RGS6: variants seen among roughly 807,000 people sequenced by gnomAD.
The protein encoded by RGS6 is regulator of G protein signaling 6, also known as regulator of G-protein signaling 6.
A neutral mutation model predicts 78.5 loss-of-function variants in RGS6; 30 were observed. The ratio of observed to expected loss-of-function variants is 0.38; its 90% confidence interval spans 0.29 to 0.52. The LOEUF (loss-of-function observed/expected upper bound fraction) is 0.52, where lower values mean the gene tolerates loss of function less well. RGS6 is among the 20% of genes least tolerant of loss of function. The pLI, the probability that RGS6 is intolerant of heterozygous loss-of-function variation, is 0.85. For missense variants in RGS6, 495 were observed against 609.7 expected (o/e 0.81, Z 1.98); for synonymous variants, 206 against 206.0 (o/e 1.00, Z 0.00).
intron 14 of RGS6, among the ~76,000 whole-genome samples, chr14:72,514,700 T>TTAG (rs1430822205): frequency 1.3e-5 from 2 of 152,236 alleles, no homozygotes; most frequent in African/African-American, 4.8e-5. Flanking sequence ...CTCCCAGATA[T>TTAG]TAGTCCTTGT....
In RGS6 at chr14:72,011,481, A is replaced by G. The variant is rs556047497; in HGVS notation, c.84+46606A>G. Reference sequence around the variant, plus strand: ...ATGGCATTCCCTTGAATTAGGTTCTATGAGTGGAATACAGCTTTGAAGGCA... The same window carrying G: ...ATGGCATTCCCTTGAATTAGGTTCTGTGAGTGGAATACAGCTTTGAAGGCA... On this transcript the variant is annotated intron_variant, in intron 2 of 17. Coordinates refer to ENST00000553525, the MANE Select transcript of RGS6 (RefSeq NM_001204424.2). Among the ~76,000 whole-genome samples, 8 of 152,254 alleles carry G rather than the reference A, an allele frequency of 5.3e-5. No homozygotes were observed. In the South Asian group the frequency reaches 1.2e-3, roughly 24 times the overall value.
chr14:72,036,122 C>T (rs762222984), intron 2 of RGS6, among the ~76,000 whole-genome samples: 8 of 151,808 alleles, frequency 5.3e-5, no homozygotes, highest in Non-Finnish European at 8.8e-5. Context: ...GAAATCCTAC[C>T]GTATATAATC....
At chr14:72,416,779 A>G (rs2093843897) in intron 3 of RGS6, among the ~76,000 whole-genome samples, 2 of 152,200 alleles carry the variant, frequency 1.3e-5, no homozygotes, top group Admixed American at 6.5e-5. Flanking sequence ...GAGTATGAGC[A>G]TTGACAACAG....
At chr14:72,426,382 C>G (rs2094435013) in intron 3 of RGS6, among the ~76,000 whole-genome samples, 1 of 152,148 alleles carries the variant, frequency 6.6e-6, no homozygotes, top group Admixed American at 6.5e-5. Flanking sequence ...ATCATAGAAA[C>G]AAAAATCTGG....
chr14:71,960,931 T>A (rs576014749), intron 1 of RGS6, among the ~76,000 whole-genome samples: 1 of 152,366 alleles, frequency 6.6e-6, no homozygotes, highest in East Asian at 1.9e-4. Context: ...TGAACACATC[T>A]GTTATTCCTA....
chr14:71,964,718 C>T, intron 1 of RGS6, 54 bp from the exon 2 acceptor site: 1 of 1,220,042 alleles, frequency 8.2e-7, no homozygotes, highest in South Asian at 1.5e-5. Context: ...CATTTCAAAG[C>T]CCTCTTTATA....
chr14:72,437,340 CAAAAAAAAAAAA>C lies in RGS6; in HGVS notation c.185-17177_185-17166del, dbSNP rs57302818. The stretch of plus-strand genomic sequence containing the variant: ...TGGACTACAGAGTGAGACTCCATCT[CAAAAAAAAAAAA>C]AAAAAAAAAAGGAAAAAAAAAATCA... On this transcript the variant is annotated intron_variant, in intron 3 of 17. Transcript: ENST00000553525. Among the ~76,000 whole-genome samples the C allele has an allele frequency of 9.9e-5, 8 of 80,996 alleles. No homozygotes were observed. The East Asian group carries it at 1.9e-3, about 19-fold the overall frequency. 53.1% of individuals were successfully genotyped at this position (80,996 alleles called of 152,430 possible).
At chr14:72,624,163 T>C in the RGS6 span, among the ~76,000 whole-genome samples, 1 of 152,100 alleles carries the variant, frequency 6.6e-6, no homozygotes, top group Non-Finnish European at 1.5e-5. Context: ...AATTTTAAAC[T>C]TAGAGAAAAG....
intron 2 of RGS6, among the ~76,000 whole-genome samples, chr14:72,280,793 T>C: frequency 6.6e-6 from 1 of 152,218 alleles, no homozygotes; most frequent in East Asian, 1.9e-4. Flanking sequence ...GACCTCTTGC[T>C]ATCAAGTGTT....
intron 2 of RGS6, among the ~76,000 whole-genome samples, chr14:72,214,563 G>A (rs2153775797): frequency 6.6e-6 from 1 of 152,274 alleles, no homozygotes; most frequent in African/African-American, 2.4e-5. Context: ...GCATGCAAAT[G>A]TTAGAAGAAA....
At chr14:71,992,892 A>G (rs1381971975) in intron 2 of RGS6, among the ~76,000 whole-genome samples, 1 of 152,008 alleles carries the variant, frequency 6.6e-6, no homozygotes, top group Non-Finnish European at 1.5e-5. Flanking sequence ...AATACTCTCT[A>G]TATTTCTTCT....
At chr14:72,479,834 G>A (rs2096330103) in intron 12 of RGS6, among the ~76,000 whole-genome samples, 1 of 152,212 alleles carries the variant, frequency 6.6e-6, no homozygotes. Context: ...TCCATGGCCT[G>A]TGAGGAACCA....
chr14:72,366,183 A>G (rs1056247803), intron 3 of RGS6, among the ~76,000 whole-genome samples: 4 of 152,142 alleles, frequency 2.6e-5, no homozygotes, highest in African/African-American at 9.7e-5. Context: ...TCCCACCAAT[A>G]TGTAAGGGAA....
At chr14:71,888,581 C>G in the RGS6 span, among the ~76,000 whole-genome samples, 1 of 152,086 alleles carries the variant, frequency 6.6e-6, no homozygotes, top group Admixed American at 6.5e-5. Context: ...ACATCTCATG[C>G]TCTGAGACTG....
chr14:72,264,251 G>C (rs2058666151), intron 2 of RGS6, among the ~76,000 whole-genome samples: 1 of 152,346 alleles, frequency 6.6e-6, no homozygotes, highest in South Asian at 2.1e-4. Context: ...ACTCTCAGCA[G>C]CTAGGACTGG....
chr14:72,392,703 G>A (rs73293056), intron 3 of RGS6, among the ~76,000 whole-genome samples: 2,443 of 152,220 alleles, frequency 0.016, 80 homozygotes, highest in African/African-American at 0.055. Flanking sequence ...AAGGAGATCT[G>A]GGGGAGGGGG....
At chr14:72,363,853 G>A (rs2081959939) in intron 3 of RGS6, among the ~76,000 whole-genome samples, 1 of 151,982 alleles carries the variant, frequency 6.6e-6, no homozygotes, top group Non-Finnish European at 1.5e-5. Context: ...CTCAAGATGT[G>A]CAGATGTGTG....
intron 3 of RGS6, among the ~76,000 whole-genome samples, chr14:72,411,909 G>A (rs1318545932): frequency 1.3e-5 from 2 of 152,168 alleles, no homozygotes; most frequent in East Asian, 1.9e-4. Flanking sequence ...GCCTCCCAGG[G>A]ATGAAGCCCA....
chr14:72,004,391 T>C (rs2190871), intron 2 of RGS6, among the ~76,000 whole-genome samples: 142,081 of 152,314 alleles, frequency 0.93, 66,338 homozygotes, highest in East Asian at 0.99. Context: ...GCATAATTCA[T>C]AAAGAAGAAA....
Sources: allele counts gnomAD v4.1 joint callset (sites outside exome capture counted in the v4.1 genomes callset), GRCh38; gene constraint gnomAD v4.1.1; transcripts MANE v1.5; gene names NCBI Gene and HGNC (gene_info 2026-07-23, HGNC 2026-07-21).